Variants in LRFN5 observed in about 807,000 individuals in gnomAD.
LRFN5 encodes leucine rich repeat and fibronectin type III domain containing 5.
Under a neutral mutation model 45.6 loss-of-function variants are expected in LRFN5, and 24 were observed. The observed-to-expected ratio is 0.53, with a 90% CI of 0.38 to 0.74. The LOEUF is 0.74. Among genes scored for constraint, LRFN5 ranks in the 30% least tolerant of loss-of-function variants. The pLI, the probability that LRFN5 is intolerant of heterozygous loss-of-function variation, is 0.00. For synonymous variants in LRFN5, 340 were observed against 313.8 expected (o/e 1.08, Z -0.88); for missense variants, 776 against 861.5 (o/e 0.90, Z 1.24).
At chr14:41,801,565 G>A (rs1440197318) in intron 2 of LRFN5, among the ~76,000 whole-genome samples, 1 of 152,060 alleles carries the variant, frequency 6.6e-6, no homozygotes, top group African/African-American at 2.4e-5. Flanking sequence ...CTCCATCAGT[G>A]TTCTTCCATT....
chr14:41,630,533 G>A (rs191183037), intron 1 of LRFN5, among the ~76,000 whole-genome samples: 3 of 151,990 alleles, frequency 2.0e-5, no homozygotes, highest in Admixed American at 2.0e-4. Context: ...CTAATTCCAT[G>A]TTTTATATTA....
intron 1 of LRFN5, among the ~76,000 whole-genome samples, chr14:41,724,594 T>C (rs1209190803): frequency 6.6e-6 from 1 of 152,170 alleles, no homozygotes; most frequent in Non-Finnish European, 1.5e-5. Context: ...TATTAAGTTA[T>C]GGTTGTTTTA....
At chr14:41,744,890 A>T (rs1298062464) in intron 1 of LRFN5, among the ~76,000 whole-genome samples, 1 of 152,188 alleles carries the variant, frequency 6.6e-6, no homozygotes, top group Non-Finnish European at 1.5e-5. Flanking sequence ...CTGTAAAAAT[A>T]TAAAGTAAAA....
chr14:41,683,358 TATC>T (rs1881986364), intron 1 of LRFN5, among the ~76,000 whole-genome samples: 1 of 152,162 alleles, frequency 6.6e-6, no homozygotes, highest in Non-Finnish European at 1.5e-5. Flanking sequence ...CAACAGCTAG[TATC>T]ATACTGAGTG....
chr14:41,704,759 T>C (rs1882995239), intron 1 of LRFN5, among the ~76,000 whole-genome samples: 1 of 152,144 alleles, frequency 6.6e-6, no homozygotes, highest in African/African-American at 2.4e-5. Flanking sequence ...TTTCCTATTA[T>C]CGTTCCTTAG....
At chr14:41,703,576 A>G (rs925542448) in intron 1 of LRFN5, among the ~76,000 whole-genome samples, 4 of 152,038 alleles carry the variant, frequency 2.6e-5, no homozygotes, top group African/African-American at 4.8e-5. Flanking sequence ...TCCCAGCAAA[A>G]GTGTTTTCTT....
At chr14:41,894,521 A>G (rs1020237587) in intron 4 of LRFN5, 1 of 965,426 alleles carries the variant, frequency 1.0e-6, no homozygotes, top group Non-Finnish European at 1.2e-6. Flanking sequence ...TTGCCCTTCA[A>G]AAAGTCTATA....
chr14:41,613,463 T>C (rs1373373497), intron 1 of LRFN5, among the ~76,000 whole-genome samples: 3 of 152,022 alleles, frequency 2.0e-5, no homozygotes, highest in Non-Finnish European at 2.9e-5. Flanking sequence ...AAAAGAAATC[T>C]ATCAAAACTC....
intron 2 of LRFN5, among the ~76,000 whole-genome samples, chr14:41,876,937 C>T (rs995583054): frequency 1.3e-5 from 2 of 151,862 alleles, no homozygotes; most frequent in African/African-American, 4.8e-5. Flanking sequence ...TAAAGAGAGA[C>T]AAAGAAAATA....
At chr14:41,619,614 G>A (rs1392592954) in intron 1 of LRFN5, among the ~76,000 whole-genome samples, 1 of 151,910 alleles carries the variant, frequency 6.6e-6, no homozygotes, top group Non-Finnish European at 1.5e-5. Flanking sequence ...GATAGGTAAT[G>A]TGTGGTATGC....
chr14:41,832,752 G>A (rs868465360), intron 2 of LRFN5, among the ~76,000 whole-genome samples: 4 of 152,086 alleles, frequency 2.6e-5, no homozygotes, highest in African/African-American at 9.7e-5. Flanking sequence ...TTATCACTCC[G>A]ATAATACCAT....
intron 1 of LRFN5, among the ~76,000 whole-genome samples, chr14:41,671,443 T>G (rs1211488512): frequency 2.0e-5 from 3 of 152,034 alleles, no homozygotes; most frequent in African/African-American, 7.2e-5. Context: ...TTCACTCCAG[T>G]CTCTCATCAA....
chr14:41,804,586 T>A (rs1409155588), intron 2 of LRFN5, among the ~76,000 whole-genome samples: 1 of 152,082 alleles, frequency 6.6e-6, no homozygotes, highest in East Asian at 1.9e-4. Flanking sequence ...ACAAAGGTGG[T>A]TCAGTTTTGG....
chr14:41,623,562 G>T (rs1888214683), intron 1 of LRFN5, among the ~76,000 whole-genome samples: 1 of 152,096 alleles, frequency 6.6e-6, no homozygotes. Flanking sequence ...ACGTGGTTCA[G>T]TTGCTTGTGT....
intron 5 of LRFN5, among the ~76,000 whole-genome samples, chr14:41,903,750 T>C (rs1891167668): frequency 6.6e-6 from 1 of 152,006 alleles, no homozygotes; most frequent in African/African-American, 2.4e-5. Context: ...ATACACATTT[T>C]CTAGCAGAAT....
At chr14:41,718,625 G>A (rs1883588688) in intron 1 of LRFN5, among the ~76,000 whole-genome samples, 1 of 152,164 alleles carries the variant, frequency 6.6e-6, no homozygotes, top group East Asian at 1.9e-4. Flanking sequence ...GTTAGATGAG[G>A]TAGACAGCAT....
chr14:41,718,612 C>T (rs1002692451), intron 1 of LRFN5, among the ~76,000 whole-genome samples: 1 of 152,120 alleles, frequency 6.6e-6, no homozygotes. Flanking sequence ...GAAAGCTCTC[C>T]GTGTTAGATG....
chr14:41,774,234 A>G (rs567931891), intron 2 of LRFN5, among the ~76,000 whole-genome samples: 3 of 152,358 alleles, frequency 2.0e-5, no homozygotes, highest in African/African-American at 7.2e-5. Flanking sequence ...ACTCAATGTA[A>G]GGTTATTAAC....
rs1891132804 is a variant in LRFN5 at position 41,902,514 on chromosome 14, C to A, written c.2143-1644C>A. 2.6e-5 allele frequency among the ~76,000 whole-genome samples: 4 copies of A among 151,802 alleles called. No homozygotes were observed. The South Asian group carries it at 8.3e-4, about 31-fold the overall frequency. ...AATATTGCTACATCTTCAGAGCAGA[C>A]AAACTTCTTAGTTCACAAAATTTTT... On this transcript the variant is annotated intron_variant, in intron 5 of 5. Coordinates refer to ENST00000298119, the MANE Select transcript of LRFN5 (RefSeq NM_152447.5).
Sources: gnomAD v4.1 joint callset for allele counts (sites outside exome capture counted in the v4.1 genomes callset) on GRCh38, gnomAD v4.1.1 for gene constraint, MANE v1.5 for transcripts, NCBI Gene and HGNC (gene_info 2026-07-23, HGNC 2026-07-21) for gene names.